Variants in TGM3 observed in about 807,000 individuals in gnomAD.
TGM3 encodes the protein protein-glutamine gamma-glutamyltransferase E.
TGM3 carries 52 observed loss-of-function variants against 73.8 expected under a neutral mutation model. The ratio of observed to expected loss-of-function variants is 0.70; its 90% CI spans 0.56 to 0.89. The LOEUF (loss-of-function observed/expected upper bound fraction) is 0.89. Among genes scored for constraint, TGM3 ranks in the 40% least tolerant of loss-of-function variants. The pLI is 0.00. For synonymous variants in TGM3, 372 were observed against 354.9 expected, an observed-to-expected ratio of 1.05 and a Z score of -0.54; for missense variants, 928 against 909.9, an observed-to-expected ratio of 1.02 and a Z score of -0.26.
intron 7 of TGM3, among the ~76,000 whole-genome samples, chr20:2,322,606 T>G (rs2084268030): frequency 6.6e-6 from 1 of 152,224 alleles, no homozygotes. Flanking sequence ...TAACCCCAGC[T>G]GCCTGGATTC....
Position 2,328,144 on chromosome 20 carries a change from C to T in TGM3, c.1112C>T (p.Ser371Leu), listed in dbSNP as rs766989360. The T allele has an allele frequency of 7.4e-6, 12 of 1,614,116 alleles. No homozygotes were observed. Among genetic ancestry groups the T allele is most frequent in the East Asian group, 2.2e-5 (1 of 44,886 alleles). ...GGGGTGTTCCAGTGCGGCCCCGCTTCGGTCATTGGTGTTCGAGAGGGTGAT... is the reference window on the plus strand; with the variant it reads ...GGGGTGTTCCAGTGCGGCCCCGCTTTGGTCATTGGTGTTCGAGAGGGTGAT... Reference protein sequence around the residue: ...SQGVFQCGPASVIGVREGDVQ... With the variant: ...SQGVFQCGPALVIGVREGDVQ... Residue 371 changes from serine (S) to leucine (L), a missense_variant, in exon 9 of 13, where the codon TCG becomes TTG. Transcript: ENST00000381458. This position sits in a 1 kb window ranked among gnomAD's most constrained non-coding sequence, Gnocchi z 5.2.
chr20:2,326,039 C>T, intron 8 of TGM3, 87 bp downstream of exon 8: 1 of 1,281,896 alleles, frequency 7.8e-7, no homozygotes, highest in East Asian at 2.5e-5. Flanking sequence ...ACTCCAAAGC[C>T]CTCTCCCTCT....
rs557559714 is a variant in TGM3 at position 2,328,786 on chromosome 20, G to A, written c.1333+421G>A. Among the ~76,000 whole-genome samples the A allele has an allele frequency of 1.2e-4, 19 of 152,344 alleles. No homozygotes were observed. Among genetic ancestry groups the A allele is most frequent in the South Asian group, 4.1e-4 (2 of 4,832 alleles). On this transcript the variant is annotated intron_variant, in intron 9 of 12. Transcript: ENST00000381458. The surrounding 1 kb of genome is among the most constrained non-coding windows in gnomAD (Gnocchi z 5.2). ...AACTCAGGGAGAAAACCATCTGAAC[G>A]AAGAAAGGGACAAAGAAACCCAGAG...
Position 2,336,559 on chromosome 20 carries a change from G to A in TGM3, c.1800+1286G>A, listed in dbSNP as rs370515610. Reference sequence around the variant, plus strand: ...GGCGTTCCTGACCTCAGAAAGGGCAGGGGGATCTAGGATGCTGGCTCTGAT... The same window carrying A: ...GGCGTTCCTGACCTCAGAAAGGGCAAGGGGATCTAGGATGCTGGCTCTGAT... On this transcript the variant is annotated intron_variant, in intron 11 of 12. Transcript: ENST00000381458. Among the ~76,000 whole-genome samples the A allele has an allele frequency of 3.3e-5, 5 of 149,956 alleles. No individual in the cohort carries two copies. The East Asian group carries it at 5.9e-4, about 18-fold the overall frequency.
intron 9 of TGM3, among the ~76,000 whole-genome samples, chr20:2,331,584 A>G (rs945536151): frequency 1.3e-5 from 2 of 152,166 alleles, no homozygotes; most frequent in Non-Finnish European, 2.9e-5. Flanking sequence ...GTTCTAAATC[A>G]TCACCTTGCT....
rs2084325474 is a variant in TGM3, at chr20:2,332,308, A to C, written c.1640A>C (p.Glu547Ala). Residue 547 changes from glutamate to alanine, a missense_variant and splice_region_variant, in exon 10 of 13, where the codon GAA becomes GCA. Transcript: ENST00000381458. This position sits in a 1 kb window ranked among gnomAD's most constrained non-coding sequence, Gnocchi z 4.4. Reference protein sequence around the residue: ...DSATMSLDPEEEAEHPIKISY... With the variant: ...DSATMSLDPEAEAEHPIKISY... ...GCCACAATGTCCCTGGACCCTGAGG[A>C]AGGTAACGCATCCCGCAGTTGGAGG... is the stretch of plus-strand genomic sequence containing the variant. The C allele has an allele frequency of 1.2e-5, 19 of 1,584,036 alleles. No homozygotes were observed. Among genetic ancestry groups the C allele is most frequent in the Non-Finnish European group, 1.6e-5 (19 of 1,163,476 alleles).
At chr20:2,325,126 C>G (rs758601867) in intron 7 of TGM3, among the ~76,000 whole-genome samples, 6 of 152,056 alleles carry the variant, frequency 3.9e-5, no homozygotes, top group Non-Finnish European at 8.8e-5. Flanking sequence ...GGATTTATGT[C>G]GAACTTATAT....
rs868202762 is a variant in TGM3, at chr20:2,317,141, G to A, written c.743G>A (p.Arg248Lys). The stretch of plus-strand genomic sequence containing the variant: ...ACTTACACCGGTGGCCGGGACCCAA[G>A]GAGCTGGAACGGCAGCGTGGAGATC... ...SGTYTGGRDP[R>K]SWNGSVEILK... is the part of the protein sequence containing the mutation. The change falls in exon 6 of 13, where the codon AGG (arginine) becomes AAG (lysine). Residue 248 changes from arginine to lysine, a missense_variant. Transcript: ENST00000381458. 1.2e-6 allele frequency: 2 copies of A among 1,614,090 alleles called. No individual in the cohort carries two copies. The highest frequency in any genetic ancestry group is 1.1e-5 in the South Asian group (1 of 91,070).
In TGM3 at chr20:2,328,133, C is replaced by A; in HGVS notation, c.1101C>A (p.Cys367Ter). 1 of 1,614,122 alleles carries A rather than the reference C, an allele frequency of 6.2e-7. No homozygotes were observed. The highest frequency in any genetic ancestry group is 8.5e-7 in the Non-Finnish European group (1 of 1,180,012). Reference sequence around the variant, plus strand: ...CTTGGCCTCCAGGGGTGTTCCAGTGCGGCCCCGCTTCGGTCATTGGTGTTC... The same window carrying A: ...CTTGGCCTCCAGGGGTGTTCCAGTGAGGCCCCGCTTCGGTCATTGGTGTTC... ...PQERSQGVFQ[C>*]GPASVIGVRE... Residue 367 changes from cysteine (C) to a stop codon, truncating the protein, a stop_gained, in exon 9 of 13, where the codon TGC becomes TGA. Transcript: ENST00000381458. LOFTEE classifies it high-confidence loss of function. This position sits in a 1 kb window ranked among gnomAD's most constrained non-coding sequence, Gnocchi z 5.2.
Position 2,317,495 on chromosome 20 carries a change from TC to T in TGM3, c.983+11del. On this transcript the variant is annotated intron_variant, in intron 7 of 12. Transcript: ENST00000381458. Reference sequence around the variant, plus strand: ...GTAGTGATAGCGTATGGTAAGTATCTCACCTTTTCCCTGAACTTCGAGCACC... The same window carrying T: ...GTAGTGATAGCGTATGGTAAGTATCTACCTTTTCCCTGAACTTCGAGCACC... The T allele has an allele frequency of 6.2e-7, 1 of 1,613,902 alleles. No homozygotes were observed. Among genetic ancestry groups the T allele is most frequent in the Non-Finnish European group, 8.5e-7 (1 of 1,179,806 alleles).
At chr20:2,300,940 G>C (rs2084143224) in intron 1 of TGM3, among the ~76,000 whole-genome samples, 1 of 152,072 alleles carries the variant, frequency 6.6e-6, no homozygotes, top group Non-Finnish European at 1.5e-5. Context: ...AACCCTAAGA[G>C]AGAAGATGTT....
intron 7 of TGM3, among the ~76,000 whole-genome samples, chr20:2,318,813 A>G (rs538208358): frequency 3.3e-5 from 5 of 152,328 alleles, no homozygotes; most frequent in African/African-American, 1.2e-4. Flanking sequence ...AATGTGCTTA[A>G]TGTAACTAAG....
intron 10 of TGM3, 21 bp from the exon 11 acceptor site, chr20:2,335,095 T>A: frequency 1.2e-6 from 2 of 1,613,912 alleles, no homozygotes; most frequent in Non-Finnish European, 1.7e-6. Context: ...CTCACTCGGA[T>A]CCCCTGGCTT....
chr20:2,336,135 G>C lies in TGM3; in HGVS notation c.1800+862G>C, dbSNP rs559567758. Among the ~76,000 whole-genome samples, 14 of 152,294 alleles carry C rather than the reference G, an allele frequency of 9.2e-5. No homozygotes were observed. In the East Asian group the frequency reaches 2.7e-3, roughly 29 times the overall value. ...CTTGCAGGTCTGTGGGAGGCCCCTC[G>C]TGCCACTCTGTGTCTTCCTCAGCAC... On this transcript the variant is annotated intron_variant, in intron 11 of 12. Coordinates refer to ENST00000381458, the MANE Select transcript of TGM3 (RefSeq NM_003245.4).
Position 2,317,492 on chromosome 20 carries a change from A to ATCTCACCTTT in TGM3, c.983+10_983+19dup. 6.2e-7 allele frequency: 1 copy of ATCTCACCTTT among 1,614,052 alleles called. No homozygotes were observed. The highest frequency in any genetic ancestry group is 1.1e-5 in the South Asian group (1 of 91,090). ...AGGGTAGTGATAGCGTATGGTAAGTATCTCACCTTTTCCCTGAACTTCGAG... is the reference window on the plus strand; with the variant it reads ...AGGGTAGTGATAGCGTATGGTAAGTATCTCACCTTTTCTCACCTTTTCCCTGAACTTCGAG... On this transcript the variant is annotated splice_region_variant and intron_variant, in intron 7 of 12. Transcript: ENST00000381458.
chr20:2,337,024 G>T (rs1230045141), intron 11 of TGM3, among the ~76,000 whole-genome samples: 2 of 152,072 alleles, frequency 1.3e-5, no homozygotes, highest in African/African-American at 4.8e-5. Flanking sequence ...ATCCTTCTTT[G>T]TGCAATTATT....
chr20:2,313,081 T>G, intron 5 of TGM3, 55 bp downstream of exon 5: 2 of 1,608,906 alleles, frequency 1.2e-6, no homozygotes, highest in South Asian at 2.2e-5. Flanking sequence ...GAACACCACC[T>G]ATGAGCTAGG....
chr20:2,337,909 G>C (rs1029413897), intron 11 of TGM3, among the ~76,000 whole-genome samples: 4 of 152,022 alleles, frequency 2.6e-5, no homozygotes, highest in Non-Finnish European at 5.9e-5. Context: ...AATATATAAG[G>C]CTAGAAATGT....
rs2084278835 is a variant in TGM3 at position 2,325,032 on chromosome 20, C to A, written c.984-817C>A. Among the ~76,000 whole-genome samples, 7 of 152,172 alleles carry A rather than the reference C, an allele frequency of 4.6e-5. No individual in the cohort carries two copies. The South Asian group carries it at 1.4e-3, about 32-fold the overall frequency. ...AAATATATGAGTCTCTTCCTTTATGCTTTCTGAAATGGGTGGTCTGCTTAG... is the reference window on the plus strand; with the variant it reads ...AAATATATGAGTCTCTTCCTTTATGATTTCTGAAATGGGTGGTCTGCTTAG... On this transcript the variant is annotated intron_variant, in intron 7 of 12. Transcript: ENST00000381458.
Sources: gnomAD v4.1 joint callset for allele counts (sites outside exome capture counted in the v4.1 genomes callset) on GRCh38, gnomAD v4.1.1 for gene constraint, Gnocchi (gnomAD v3.1) non-coding constraint, MANE v1.5 for transcripts, NCBI Gene and HGNC (gene_info 2026-07-23, HGNC 2026-07-21) for gene names.